HS3ST4: variants seen among roughly 807,000 people sequenced by gnomAD.
The protein encoded by HS3ST4 is heparan sulfate-glucosamine 3-sulfotransferase 4.
In HS3ST4, 17 loss-of-function variants were observed where a neutral mutation model predicts 29.2. That is an observed-to-expected ratio of 0.58 (90% confidence interval 0.40 to 0.87). The LOEUF is 0.87. Ranked by LOEUF, HS3ST4 falls within the 40% of genes least tolerant of loss-of-function variation. HS3ST4 has a pLI of 0.00. For synonymous variants in HS3ST4, 314 were observed against 285.7 expected, an observed-to-expected ratio of 1.10 and a Z score of -1.00; for missense variants, 627 against 634.5, an observed-to-expected ratio of 0.99 and a Z score of 0.13.
At chr16:25,779,248 A>C (rs1966850534) in intron 1 of HS3ST4, among the ~76,000 whole-genome samples, 1 of 152,190 alleles carries the variant, frequency 6.6e-6, no homozygotes, top group Non-Finnish European at 1.5e-5. Context: ...TGTTACAGGG[A>C]GTAAGATCAA....
At chr16:25,736,120 A>T (rs1220071126) in intron 1 of HS3ST4, among the ~76,000 whole-genome samples, 1 of 152,204 alleles carries the variant, frequency 6.6e-6, no homozygotes, top group African/African-American at 2.4e-5. Context: ...CTCATACCAC[A>T]GATTTGCTTC....
chr16:25,889,978 TC>T (rs2141668416), intron 1 of HS3ST4, among the ~76,000 whole-genome samples: 1 of 152,266 alleles, frequency 6.6e-6, no homozygotes, highest in Non-Finnish European at 1.5e-5. Flanking sequence ...TTGTGAGGCC[TC>T]CCCAGCCATG....
rs1384771443 is a variant in HS3ST4 at position 25,999,892 on chromosome 16, A to AT, written c.735-135719dup. On this transcript the variant is annotated intron_variant, in intron 1 of 1. Transcript: ENST00000331351. ...TATATTTTATATATATTATATATAT[A>AT]TATTTTATATATATATATATATCTG... Among the ~76,000 whole-genome samples, 365 of 120,572 alleles carry AT rather than the reference A, an allele frequency of 3.0e-3. 1 individual carries two copies. Among genetic ancestry groups the AT allele is most frequent in the African/African-American group, 0.01 (315 of 30,178 alleles). 79.1% of individuals were successfully genotyped at this position (120,572 alleles called of 152,430 possible). A position where few individuals can be genotyped will look rare whatever the true frequency, so the allele number is the denominator to read the frequency against.
chr16:26,058,550 T>G (rs1898439023), intron 1 of HS3ST4, among the ~76,000 whole-genome samples: 1 of 152,152 alleles, frequency 6.6e-6, no homozygotes, highest in Non-Finnish European at 1.5e-5. Flanking sequence ...CTTAATGGAT[T>G]GTGCTCTCTC....
chr16:26,069,706 CT>C (rs1490744771), intron 1 of HS3ST4, among the ~76,000 whole-genome samples: 1 of 105,252 alleles, frequency 9.5e-6, no homozygotes, highest in African/African-American at 3.7e-5. Context: ...TCCCTCCCCC[CT>C]CCCCCCACCC....
intron 1 of HS3ST4, among the ~76,000 whole-genome samples, chr16:25,945,528 A>G (rs1968617362): frequency 6.6e-6 from 1 of 152,164 alleles, no homozygotes; most frequent in Non-Finnish European, 1.5e-5. Flanking sequence ...TTGCTGCATC[A>G]CAGTAAATAT....
intron 1 of HS3ST4, among the ~76,000 whole-genome samples, chr16:25,715,989 A>AG (rs1330246475): frequency 6.6e-6 from 1 of 152,028 alleles, no homozygotes; most frequent in Non-Finnish European, 1.5e-5. Context: ...GAAAGAGGTC[A>AG]GGGGGATCCT....
At chr16:25,987,811 C>T (rs1438429330) in intron 1 of HS3ST4, among the ~76,000 whole-genome samples, 2 of 152,138 alleles carry the variant, frequency 1.3e-5, no homozygotes, top group African/African-American at 4.8e-5. Context: ...GCTCTGCCCC[C>T]ATGGGCTGGA....
At chr16:25,731,831 A>C (rs1344388230) in intron 1 of HS3ST4, among the ~76,000 whole-genome samples, 1 of 152,218 alleles carries the variant, frequency 6.6e-6, no homozygotes, top group Admixed American at 6.5e-5. Flanking sequence ...TGCTAGGAAA[A>C]TAAAGATGCT....
At chr16:25,775,439 G>A (rs181889050) in intron 1 of HS3ST4, among the ~76,000 whole-genome samples, 109 of 152,258 alleles carry the variant, frequency 7.2e-4, no homozygotes, top group Non-Finnish European at 3.8e-4. Context: ...GTGCCAATTC[G>A]AGCATCTCAC....
At chr16:25,957,670 C>T (rs1038778948) in intron 1 of HS3ST4, among the ~76,000 whole-genome samples, 7 of 152,190 alleles carry the variant, frequency 4.6e-5, no homozygotes, top group African/African-American at 7.2e-5. Flanking sequence ...CTGCCCGCCT[C>T]GGCCTCCCAA....
At chr16:26,040,406 G>C (rs56810651) in intron 1 of HS3ST4, among the ~76,000 whole-genome samples, 2,515 of 151,686 alleles carry the variant, frequency 0.017, 66 homozygotes, top group African/African-American at 0.056. Context: ...TGTGTTCAAG[G>C]GATTCTCCTG....
intron 1 of HS3ST4, among the ~76,000 whole-genome samples, chr16:26,080,772 C>T (rs1296001603): frequency 6.6e-6 from 1 of 152,042 alleles, no homozygotes; most frequent in Non-Finnish European, 1.5e-5. Flanking sequence ...CCAACATGCT[C>T]CAGCAGCCAG....
intron 1 of HS3ST4, among the ~76,000 whole-genome samples, chr16:25,973,750 T>TAA (rs1968917978): frequency 6.6e-6 from 1 of 152,200 alleles, no homozygotes; most frequent in Non-Finnish European, 1.5e-5. Flanking sequence ...ATTCGGGACT[T>TAA]TTAAAGAACT....
At chr16:25,840,964 ATATTTGTTTGTT>A (rs1967405408) in intron 1 of HS3ST4, among the ~76,000 whole-genome samples, 3 of 146,000 alleles carry the variant, frequency 2.1e-5, no homozygotes, top group South Asian at 2.2e-4. Flanking sequence ...ACTTTAATTT[ATATTTGTTTGTT>A]TATTTATTTA....
intron 1 of HS3ST4, among the ~76,000 whole-genome samples, chr16:26,107,276 G>C (rs558085711): frequency 6.6e-6 from 1 of 151,332 alleles, no homozygotes; most frequent in African/African-American, 2.4e-5. Context: ...TATATATGTA[G>C]TTTTATGTAT....
intron 1 of HS3ST4, among the ~76,000 whole-genome samples, chr16:26,109,567 C>A (rs751990256): frequency 1.3e-5 from 2 of 152,060 alleles, no homozygotes; most frequent in African/African-American, 4.8e-5. Flanking sequence ...CCTGCTCCCC[C>A]AGGCATGTCC....
intron 1 of HS3ST4, among the ~76,000 whole-genome samples, chr16:26,116,783 C>T (rs1214523304): frequency 6.6e-6 from 1 of 152,146 alleles, no homozygotes; most frequent in African/African-American, 2.4e-5. Context: ...GTGTAAGTAT[C>T]CCAAATCCAA....
At chr16:26,006,180 T>C (rs1969256073) in intron 1 of HS3ST4, among the ~76,000 whole-genome samples, 1 of 151,176 alleles carries the variant, frequency 6.6e-6, no homozygotes, top group South Asian at 2.1e-4. Flanking sequence ...ACACCTGTAG[T>C]CCCAGCTACT....
Sources: gnomAD v4.1 joint callset for allele counts (sites outside exome capture counted in the v4.1 genomes callset) on GRCh38, gnomAD v4.1.1 for gene constraint, MANE v1.5 for transcripts, NCBI Gene and HGNC (gene_info 2026-07-23, HGNC 2026-07-21) for gene names.